SLC43A2: variants seen among roughly 807,000 people sequenced by gnomAD.
The protein encoded by SLC43A2 is solute carrier family 43 member 2.
In SLC43A2, 38 loss-of-function variants were observed where a neutral mutation model predicts 63.2. The observed-to-expected ratio is 0.60, with a 90% confidence interval of 0.46 to 0.79. SLC43A2 has a LOEUF of 0.79. Among genes scored for constraint, SLC43A2 ranks in the 30% least tolerant of loss-of-function variants. The pLI, the probability that SLC43A2 is intolerant of heterozygous loss-of-function variation, is 0.00. For missense variants in SLC43A2, 644 were observed against 756.2 expected, an observed-to-expected ratio of 0.85 and a Z score of 1.74; for synonymous variants, 322 against 331.0, an observed-to-expected ratio of 0.97 and a Z score of 0.30.
At position 1,606,556 on chromosome 17, in the gene SLC43A2, A is replaced by T. The variant is rs1334514489; in HGVS notation, c.501+6639T>A. Among the ~76,000 whole-genome samples, 1 of 152,190 alleles carries T rather than the reference A, an allele frequency of 6.6e-6. No individual in the cohort carries two copies. The highest frequency in any genetic ancestry group is 1.5e-5 in the Non-Finnish European group (1 of 68,016). ...AAATGGCAGGTTCACAATTTTGGCT[A>T]CAGCTGCTCCCATCTCTAAGCAACC... On this transcript the variant is annotated intron_variant, in intron 5 of 13. Coordinates refer to ENST00000301335, the MANE Select transcript of SLC43A2 (RefSeq NM_152346.3). This position sits in a 1 kb window ranked among gnomAD's most constrained non-coding sequence, Gnocchi z 4.7.
Position 1,578,377 on chromosome 17 carries a change from A to G in SLC43A2, c.1351-54T>C. 6.4e-7 allele frequency: 1 copy of G among 1,557,868 alleles called. No homozygotes were observed. The highest frequency in any genetic ancestry group is 1.1e-5 in the South Asian group (1 of 88,002). ...TAAGGCCTTAAGGGACCGTCCCCTC[A>G]GCCCCCGCCCTCCAATTCCTGGGGG... On this transcript the variant is annotated intron_variant, in intron 11 of 13. Coordinates refer to ENST00000301335, the MANE Select transcript of SLC43A2 (RefSeq NM_152346.3). This position sits in a 1 kb window ranked among gnomAD's most constrained non-coding sequence, Gnocchi z 6.5.
chr17:1,618,944 C>T (rs986499138), intron 2 of SLC43A2, among the ~76,000 whole-genome samples: 3 of 152,076 alleles, frequency 2.0e-5, no homozygotes, highest in Non-Finnish European at 4.4e-5. Context: ...AGATCACACA[C>T]CACTGCACTC....
In SLC43A2 at chr17:1,627,822, G is replaced by A. The variant is rs1401292795; in HGVS notation, c.53C>T (p.Thr18Met). The A allele has an allele frequency of 1.3e-6, 2 of 1,592,338 alleles. No homozygotes were observed. The highest frequency in any genetic ancestry group is 8.5e-7 in the Non-Finnish European group (1 of 1,169,838). Residue 18 changes from threonine to methionine, a missense_variant, in exon 2 of 14, where the codon ACG (threonine) becomes ATG (methionine). Thr to Met is a moderately conservative substitution (Grantham distance 81). Coordinates refer to ENST00000301335, the MANE Select transcript of SLC43A2 (RefSeq NM_152346.3). The part of the protein sequence containing the change: ...AHRRRWWMAC[T>M]AVLENLLFSA... ...GAAGAGGAGGTTCTCCAGCACGGCCGTGCAGGCCATCCACCAGCGGCGCCG... is the reference window on the plus strand; with the variant it reads ...GAAGAGGAGGTTCTCCAGCACGGCCATGCAGGCCATCCACCAGCGGCGCCG...
chr17:1,576,809 T>A, intron 12 of SLC43A2, 89 bp from the exon 13 acceptor site: 1 of 1,501,402 alleles, frequency 6.7e-7, no homozygotes, highest in Admixed American at 2.3e-5. Flanking sequence ...GCACCGTTGG[T>A]GCCAGAGAAG....
chr17:1,596,464 A>G (rs939913954), intron 5 of SLC43A2, among the ~76,000 whole-genome samples: 7 of 152,214 alleles, frequency 4.6e-5, no homozygotes, highest in Non-Finnish European at 1.5e-5. Flanking sequence ...AACTTCTTAC[A>G]AATCACAGAT....
intron 3 of SLC43A2, among the ~76,000 whole-genome samples, chr17:1,615,822 G>A (rs1281994965): frequency 1.4e-5 from 2 of 144,744 alleles, no homozygotes; most frequent in African/African-American, 2.6e-5. Context: ...TAGCCTGGGC[G>A]ACAGAGGGAG....
chr17:1,576,177 G>A (rs949032305), intron 13 of SLC43A2, among the ~76,000 whole-genome samples: 3 of 148,782 alleles, frequency 2.0e-5, no homozygotes, highest in African/African-American at 7.5e-5. Context: ...TCCGCCTCCC[G>A]GGTTCAAGTG....
chr17:1,584,867 T>A (rs2076077929), intron 10 of SLC43A2, among the ~76,000 whole-genome samples: 1 of 152,142 alleles, frequency 6.6e-6, no homozygotes, highest in African/African-American at 2.4e-5. Context: ...TAACTCATCC[T>A]CTGATCTTGG....
At chr17:1,597,509 A>AG (rs2151053979) in intron 5 of SLC43A2, among the ~76,000 whole-genome samples, 1 of 148,606 alleles carries the variant, frequency 6.7e-6, no homozygotes, top group Non-Finnish European at 1.5e-5. Flanking sequence ...AAAAAAAAAA[A>AG]AGAAATGAGG....
chr17:1,615,625 C>CCT (rs1338814776), intron 3 of SLC43A2, among the ~76,000 whole-genome samples: 1 of 149,976 alleles, frequency 6.7e-6, no homozygotes, highest in Non-Finnish European at 1.5e-5. Context: ...GGGCAGATCA[C>CCT]AAGGTCAGGA....
chr17:1,578,144 C>G lies in SLC43A2; in HGVS notation c.1424+106G>C. 2 of 1,141,152 alleles carry G rather than the reference C, an allele frequency of 1.8e-6. No homozygotes were observed. The highest frequency in any genetic ancestry group is 2.6e-6 in the Non-Finnish European group (2 of 778,940). The allele number at this position is 1,141,152 out of a possible 1,614,324, so 70.7% of individuals were successfully genotyped here. ...CCCTGAAGCAGGAAGATGAGCCCTT[C>G]TGGGACAGGCTGACCCTGCCTCAGA... On this transcript the variant is annotated intron_variant, in intron 12 of 13. Transcript: ENST00000301335. The surrounding 1 kb of genome is among the most constrained non-coding windows in gnomAD (Gnocchi z 6.5).
At chr17:1,584,761 A>G (rs992197310) in intron 10 of SLC43A2, among the ~76,000 whole-genome samples, 1 of 151,724 alleles carries the variant, frequency 6.6e-6, no homozygotes, top group East Asian at 1.9e-4. Flanking sequence ...CGGAGGTTGC[A>G]GTGAGCCGAG....
At position 1,613,056 on chromosome 17, in the gene SLC43A2, C is replaced by T. The variant is rs557816933; in HGVS notation, c.501+139G>A. 43 of 724,934 alleles carry T rather than the reference C, an allele frequency of 5.9e-5. 1 individual carries two copies. The South Asian group carries it at 6.0e-4, about 10-fold the overall frequency. The allele number at this position is 724,934 out of a possible 1,614,324, so 44.9% of individuals were successfully genotyped here. ...CTGAGGAGGCCCTGCCAGGCCACCT[C>T]GCCCATAGCCCCTCTACTGTTTGGG... On this transcript the variant is annotated intron_variant, in intron 5 of 13. Coordinates refer to ENST00000301335, the MANE Select transcript of SLC43A2 (RefSeq NM_152346.3).
chr17:1,624,174 C>T (rs1399146272), intron 2 of SLC43A2, among the ~76,000 whole-genome samples: 1 of 152,260 alleles, frequency 6.6e-6, no homozygotes. Flanking sequence ...CGGTGGCTCA[C>T]GCCTATAATC....
chr17:1,603,455 C>T (rs1436911834), intron 5 of SLC43A2, among the ~76,000 whole-genome samples: 1 of 151,632 alleles, frequency 6.6e-6, no homozygotes, highest in Non-Finnish European at 1.5e-5. Flanking sequence ...CTGAAACACA[C>T]TTTTGACCAC....
At chr17:1,623,838 C>CTGTACCCTCCTCTCCTCCAGGG (rs1567651373) in intron 2 of SLC43A2, among the ~76,000 whole-genome samples, 6 of 148,642 alleles carry the variant, frequency 4.0e-5, no homozygotes, top group South Asian at 2.2e-4. Context: ...CTCCTCCAGG[C>CTGTACCCTCCTCTCCTCCAGGG]TGTACCCTCC....
intron 5 of SLC43A2, among the ~76,000 whole-genome samples, chr17:1,611,802 C>T (rs1191013528): frequency 6.6e-6 from 1 of 152,152 alleles, no homozygotes; most frequent in Admixed American, 6.6e-5. Context: ...TAAACTGATG[C>T]AGGCGAGGTT....
chr17:1,604,369 T>A (rs1906383303), intron 5 of SLC43A2: 3 of 189,502 alleles, frequency 1.6e-5, no homozygotes, highest in African/African-American at 7.0e-5. Flanking sequence ...TTTAAATTTG[T>A]TTTTGGAGAT....
intron 2 of SLC43A2, among the ~76,000 whole-genome samples, chr17:1,619,292 A>AC (rs1450836367): frequency 2.6e-5 from 4 of 152,196 alleles, no homozygotes; most frequent in African/African-American, 9.7e-5. Context: ...ACAGAGTGAG[A>AC]CCCCGTCTCG....
Sources: allele counts gnomAD v4.1 joint callset (sites outside exome capture counted in the v4.1 genomes callset), GRCh38; gene constraint gnomAD v4.1.1; non-coding constraint Gnocchi (gnomAD v3.1); transcripts MANE v1.5; gene names NCBI Gene and HGNC (gene_info 2026-07-23, HGNC 2026-07-21).